Variants in PHACTR2 observed in about 807,000 individuals in gnomAD.
PHACTR2 encodes the protein chromosome 6 open reading frame 56.
A neutral mutation model predicts 76.0 loss-of-function variants in PHACTR2; 30 were observed. That is an observed-to-expected ratio of 0.39 (90% CI 0.30 to 0.54). The LOEUF (loss-of-function observed/expected upper bound fraction) is 0.54. PHACTR2 is among the 20% of genes least tolerant of loss of function. The pLI, the probability that PHACTR2 is intolerant of heterozygous loss-of-function variation, is 0.61. For missense variants in PHACTR2, 696 were observed against 781.1 expected (o/e 0.89, Z 1.30); for synonymous variants, 292 against 292.5 (o/e 1.00, Z 0.02).
chr6:143,596,622 T>C lies in PHACTR2; in HGVS notation c.217+59415T>C, dbSNP rs896089724. 6.6e-6 allele frequency among the ~76,000 whole-genome samples: 1 copy of C among 152,116 alleles called. No homozygotes were observed. The highest frequency in any genetic ancestry group is 1.9e-4 in the East Asian group (1 of 5,192). On this transcript the variant is annotated intron_variant, in intron 1 of 11. Coordinates refer to the PHACTR2 transcript ENST00000367584. The surrounding 1 kb of genome is among the most constrained non-coding windows in gnomAD (Gnocchi z 4.6). The stretch of plus-strand genomic sequence containing the variant: ...GGGATGCCAAGGTGGGAGGATCACA[T>C]GAGCCTAGTAGTTTGAGATCAGCCT...
Position 143,592,819 on chromosome 6 carries a change from G to A in PHACTR2, c.217+55612G>A, listed in dbSNP as rs1019538143. On this transcript the variant is annotated intron_variant, in intron 1 of 11. Coordinates refer to the PHACTR2 transcript ENST00000367584. The surrounding 1 kb of genome is among the most constrained non-coding windows in gnomAD (Gnocchi z 4.0). The stretch of plus-strand genomic sequence containing the variant: ...TCCCAGCACTTTGGGAGGCCAAGGC[G>A]AGCAGATTACTTGAGCCTAGGAGTT... Among the ~76,000 whole-genome samples the A allele has an allele frequency of 6.6e-5, 10 of 151,890 alleles. No individual in the cohort carries two copies. The highest frequency in any genetic ancestry group is 8.8e-5 in the Non-Finnish European group (6 of 67,984).
chr6:143,674,748 G>T (rs377535378), upstream of PHACTR2, among the ~76,000 whole-genome samples: 15 of 152,282 alleles, frequency 9.9e-5, no homozygotes, highest in East Asian at 2.7e-3. The surrounding 1 kb of genome is among the most constrained non-coding windows in gnomAD (Gnocchi z 4.9). Flanking sequence ...TTCTGAGGAA[G>T]GTTCCTTCTT....
At position 143,730,507 on chromosome 6, in the gene PHACTR2, C is replaced by G. The variant is rs988661638; in HGVS notation, c.214+18324C>G. Among the ~76,000 whole-genome samples, 1 of 152,108 alleles carries G rather than the reference C, an allele frequency of 6.6e-6. No homozygotes were observed. The highest frequency in any genetic ancestry group is 1.5e-5 in the Non-Finnish European group (1 of 68,030). On this transcript the variant is annotated intron_variant, in intron 2 of 12. Transcript: ENST00000440869. This position sits in a 1 kb window ranked among gnomAD's most constrained non-coding sequence, Gnocchi z 4.8. ...ACCTTATTAAACTCACTTATCAGTT[C>G]TAGTAGTTCTAGTGAAAATACCTTA...
At position 143,680,604 on chromosome 6, in the gene PHACTR2, T is replaced by A. The variant is rs958135560; in HGVS notation, c.46+2395T>A. ...TGGGTTCTAGGAAGACCATTAATAA[T>A]TTTTTCTGAAAATATGCAGTTAGAT... On this transcript the variant is annotated intron_variant, in intron 1 of 12. Transcript: ENST00000440869. This position sits in a 1 kb window ranked among gnomAD's most constrained non-coding sequence, Gnocchi z 4.5. 1.3e-5 allele frequency among the ~76,000 whole-genome samples: 2 copies of A among 152,166 alleles called. No homozygotes were observed. The highest frequency in any genetic ancestry group is 6.5e-5 in the Admixed American group (1 of 15,276).
chr6:143,722,937 T>A lies in PHACTR2; in HGVS notation c.214+10754T>A, dbSNP rs1200266994. ...CGTGTTGCTACAAATGACAGAATTT[T>A]ATTCTTTTTTATGGCTGAATAGTAT... On this transcript the variant is annotated intron_variant, in intron 2 of 12. Transcript: ENST00000440869. This position sits in a 1 kb window ranked among gnomAD's most constrained non-coding sequence, Gnocchi z 4.1. 2.0e-5 allele frequency among the ~76,000 whole-genome samples: 3 copies of A among 152,252 alleles called. No individual in the cohort carries two copies. The highest frequency in any genetic ancestry group is 7.2e-5 in the African/African-American group (3 of 41,464).
rs1468580398 is a variant in PHACTR2 at position 143,683,464 on chromosome 6, G to A, written c.46+5255G>A. On this transcript the variant is annotated intron_variant, in intron 1 of 12. Transcript: ENST00000440869. This position sits in a 1 kb window ranked among gnomAD's most constrained non-coding sequence, Gnocchi z 4.1. Reference sequence around the variant, plus strand: ...TTTTCCAACCCCACCCCATTTTCACGGTGCCACAGATCAGCACTTGGCTGC... The same window carrying A: ...TTTTCCAACCCCACCCCATTTTCACAGTGCCACAGATCAGCACTTGGCTGC... Among the ~76,000 whole-genome samples, 3 of 151,966 alleles carry A rather than the reference G, an allele frequency of 2.0e-5. No homozygotes were observed. The highest frequency in any genetic ancestry group is 2.1e-4 in the South Asian group (1 of 4,818).
intron 1 of PHACTR2, among the ~76,000 whole-genome samples, chr6:143,569,066 T>C (rs1775408294): frequency 6.6e-6 from 1 of 152,214 alleles, no homozygotes; most frequent in African/African-American, 2.4e-5. Context: ...TCTCTTAATC[T>C]TCCCAACCCA....
chr6:143,661,241 T>G (rs1776941896), intron 1 of PHACTR2, among the ~76,000 whole-genome samples: 1 of 152,210 alleles, frequency 6.6e-6, no homozygotes, highest in African/African-American at 2.4e-5. Context: ...TGTTGACTGT[T>G]TTATTAATGC....
At position 143,578,870 on chromosome 6, in the gene PHACTR2, A is replaced by G. The variant is rs143986530; in HGVS notation, c.217+41663A>G. Among the ~76,000 whole-genome samples the G allele has an allele frequency of 6.6e-6, 1 of 151,806 alleles. No homozygotes were observed. The highest frequency in any genetic ancestry group is 1.9e-4 in the East Asian group (1 of 5,136). ...CCTATTGTGATTTGTGTTTTTACCC[A>G]TATCCCCTCTACCCTCATAATCCTG... On this transcript the variant is annotated intron_variant, in intron 1 of 11. Coordinates refer to the PHACTR2 transcript ENST00000367584. This position sits in a 1 kb window ranked among gnomAD's most constrained non-coding sequence, Gnocchi z 4.5.
At position 143,654,881 on chromosome 6, in the gene PHACTR2, G is replaced by A. The variant is rs1010668209; in HGVS notation, c.13+46559G>A. On this transcript the variant is annotated intron_variant, in intron 1 of 11. Transcript: ENST00000305766. The surrounding 1 kb of genome is among the most constrained non-coding windows in gnomAD (Gnocchi z 4.6). ...ACTCTTAAAAACATCATGCTAGCCG[G>A]GCACTGTGGCTCACGCCTGTAATCC... Among the ~76,000 whole-genome samples the A allele has an allele frequency of 6.6e-6, 1 of 152,086 alleles. No individual in the cohort carries two copies. The highest frequency in any genetic ancestry group is 1.9e-4 in the East Asian group (1 of 5,176).
chr6:143,636,590 A>C (rs1277976116), intron 1 of PHACTR2, among the ~76,000 whole-genome samples: 1 of 152,246 alleles, frequency 6.6e-6, no homozygotes. Context: ...TCACAAATTT[A>C]AAATAGAAGA....
intron 2 of PHACTR2, among the ~76,000 whole-genome samples, chr6:143,740,011 A>G (rs977811333): frequency 6.6e-6 from 1 of 152,220 alleles, no homozygotes; most frequent in Non-Finnish European, 1.5e-5. Context: ...AAGTGAAAGC[A>G]AGTTTATTAA....
At chr6:143,747,111 G>C (rs1278985810) in intron 2 of PHACTR2, among the ~76,000 whole-genome samples, 1 of 152,138 alleles carries the variant, frequency 6.6e-6, no homozygotes, top group Non-Finnish European at 1.5e-5. Flanking sequence ...GTGCAGTAAA[G>C]AGCTTATATA....
rs1777459751 is a variant in PHACTR2 at position 143,684,057 on chromosome 6, A to T, written c.46+5848A>T. Among the ~76,000 whole-genome samples, 1 of 152,218 alleles carries T rather than the reference A, an allele frequency of 6.6e-6. No homozygotes were observed. Among genetic ancestry groups the T allele is most frequent in the Admixed American group, 6.5e-5 (1 of 15,274 alleles). On this transcript the variant is annotated intron_variant, in intron 1 of 12. Transcript: ENST00000440869. The surrounding 1 kb of genome is among the most constrained non-coding windows in gnomAD (Gnocchi z 4.3). ...ATATATGAAAACTTCCTTTAAAAGAATCCTGTTGTATTTTAATATTGTTCC... is the reference window on the plus strand; with the variant it reads ...ATATATGAAAACTTCCTTTAAAAGATTCCTGTTGTATTTTAATATTGTTCC...
upstream of PHACTR2, among the ~76,000 whole-genome samples, chr6:143,674,763 C>T (rs1323374838): frequency 1.3e-5 from 2 of 152,154 alleles, no homozygotes; most frequent in Non-Finnish European, 2.9e-5. This position sits in a 1 kb window ranked among gnomAD's most constrained non-coding sequence, Gnocchi z 4.9. Flanking sequence ...CTTCTTCTTC[C>T]TGCTCCAGGC....
chr6:143,756,478 G>A (rs925006645), intron 4 of PHACTR2, among the ~76,000 whole-genome samples: 3 of 150,316 alleles, frequency 2.0e-5, no homozygotes, highest in Non-Finnish European at 3.0e-5. Flanking sequence ...GGCGGATCAC[G>A]AGGTCAGGAG....
chr6:143,823,771 GAT>G lies in PHACTR2; in HGVS notation c.*83_*84del. On this transcript the variant is annotated 3_prime_UTR_variant, in exon 13 of 13. Transcript: ENST00000440869. The surrounding 1 kb of genome is among the most constrained non-coding windows in gnomAD (Gnocchi z 5.7). ...TCCTGAAAACCTGATATTGCACTGG[GAT>G]TTGAATGTGTGTGTTTCCGTTTAAC... is the stretch of plus-strand genomic sequence containing the variant. The G allele has an allele frequency of 9.1e-7, 1 of 1,100,934 alleles. No individual in the cohort carries two copies. Among genetic ancestry groups the G allele is most frequent in the Non-Finnish European group, 1.4e-6 (1 of 714,078 alleles). The allele number at this position is 1,100,934 out of a possible 1,614,324, so 68.2% of individuals were successfully genotyped here. A position where few individuals can be genotyped will look rare whatever the true frequency, so the allele number is the denominator to read the frequency against.
chr6:143,631,445 C>T lies in PHACTR2; in HGVS notation c.13+23123C>T, dbSNP rs555064530. ...ATGGCCTCAGACAATCCTCCTTCCT[C>T]GGCCTCCTAAAGTGTTGGGATTAGA... On this transcript the variant is annotated intron_variant, in intron 1 of 11. Transcript: ENST00000305766. 5.9e-5 allele frequency among the ~76,000 whole-genome samples: 9 copies of T among 152,250 alleles called. No individual in the cohort carries two copies. In the South Asian group the frequency reaches 1.0e-3, roughly 18 times the overall value.
chr6:143,787,703 A>G lies in PHACTR2; in HGVS notation c.1708-1070A>G, dbSNP rs1316316924. 6.6e-6 allele frequency among the ~76,000 whole-genome samples: 1 copy of G among 152,158 alleles called. No individual in the cohort carries two copies. The highest frequency in any genetic ancestry group is 6.5e-5 in the Admixed American group (1 of 15,272). On this transcript the variant is annotated intron_variant, in intron 10 of 12. Transcript: ENST00000440869. This position sits in a 1 kb window ranked among gnomAD's most constrained non-coding sequence, Gnocchi z 4.6. ...TGAGATGGGAGAATCGCTTGAGCCC[A>G]AGAGTTCAAGACCAGCCTGAGCAAC...
Sources: allele counts gnomAD v4.1 joint callset (sites outside exome capture counted in the v4.1 genomes callset), GRCh38; gene constraint gnomAD v4.1.1; non-coding constraint Gnocchi (gnomAD v3.1); transcripts MANE v1.5; gene names NCBI Gene and HGNC (gene_info 2026-07-23, HGNC 2026-07-21).